The following MPHOSPH9 variants were observed in gnomAD, a reference collection of about 807,000 sequenced individuals.
The protein encoded by MPHOSPH9 is M-phase phosphoprotein 9.
MPHOSPH9 carries 88 observed loss-of-function variants against 145.5 expected under a neutral mutation model. The observed-to-expected ratio is 0.60, with a 90% CI of 0.51 to 0.72. The LOEUF is 0.72. Ranked by LOEUF, MPHOSPH9 falls within the 30% of genes least tolerant of loss-of-function variation. MPHOSPH9 has a pLI of 0.00. For synonymous variants in MPHOSPH9, 435 were observed against 486.2 expected, an observed-to-expected ratio of 0.89 and a Z score of 1.39; for missense variants, 1,238 against 1,386.6, an observed-to-expected ratio of 0.89 and a Z score of 1.70.
rs777764198 is a variant in MPHOSPH9, at chr12:123,198,379, C to T, written c.1938-45G>A. 3 of 1,423,834 alleles carry T rather than the reference C, an allele frequency of 2.1e-6. No individual in the cohort carries two copies. In the African/African-American group the frequency reaches 4.3e-5, roughly 20 times the overall value. The allele number at this position is 1,423,834 out of a possible 1,614,324, so 88.2% of individuals were successfully genotyped here. A position where few individuals can be genotyped will look rare whatever the true frequency, so the allele number is the denominator to read the frequency against. ...CTTCAATTAGAAGATAAAATTATTA[C>T]CCTTAAAAGTATTACATAAATCTAA... On this transcript the variant is annotated intron_variant, in intron 11 of 23. Transcript: ENST00000606320.
At chr12:123,188,762 C>T (rs760692273) in intron 13 of MPHOSPH9, among the ~76,000 whole-genome samples, 22 of 152,250 alleles carry the variant, frequency 1.4e-4, no homozygotes, top group Non-Finnish European at 3.2e-4. Context: ...GCAGGGGAAT[C>T]GCTTGAACCT....
rs535101575 is a variant in MPHOSPH9, at chr12:123,223,141, A to C, written c.259-14T>G. ...TAACCACCTGGTCTATTAAATTATA[A>C]AATATTTTAGTTAAAAATAATTTTT... is the stretch of plus-strand genomic sequence containing the variant. On this transcript the variant is annotated splice_polypyrimidine_tract_variant and intron_variant, in intron 3 of 23. Coordinates refer to ENST00000606320, the MANE Select transcript of MPHOSPH9 (RefSeq NM_022782.4). 3 of 1,320,594 alleles carry C rather than the reference A, an allele frequency of 2.3e-6. No homozygotes were observed. The highest frequency in any genetic ancestry group is 3.0e-5 in the East Asian group (1 of 33,812). The allele number at this position is 1,320,594 out of a possible 1,614,324, so 81.8% of individuals were successfully genotyped here.
chr12:123,224,806 G>A (rs1204067661), intron 3 of MPHOSPH9, among the ~76,000 whole-genome samples: 1 of 152,168 alleles, frequency 6.6e-6, no homozygotes, highest in Non-Finnish European at 1.5e-5. Context: ...AATCTCATGA[G>A]AAGTTGGTCA....
In MPHOSPH9 at chr12:123,162,165, C is replaced by T. The variant is rs1364909174; in HGVS notation, c.3083G>A (p.Arg1028His). The change falls in exon 21 of 24, where the codon CGT becomes CAT. Residue 1028 changes from arginine to histidine, a missense_variant. Around this residue, in one of 3 missense-constraint regions of MPHOSPH9, gnomAD observed 393 missense variants for 462.5 expected, o/e 0.85. Transcript: ENST00000606320. Reference protein sequence around the residue: ...LDTVPVSTLQRTNPRKQLQFL... With the variant: ...LDTVPVSTLQHTNPRKQLQFL... ...CTGGAGTTGCTTTCTTGGATTGGTA[C>T]GTTGTAATGTAGACACAGGAACAGT... is the stretch of plus-strand genomic sequence containing the variant. The T allele has an allele frequency of 1.4e-5, 23 of 1,589,516 alleles. No homozygotes were observed. The highest frequency in any genetic ancestry group is 1.7e-5 in the Non-Finnish European group (20 of 1,166,408).
chr12:123,238,658 C>T (rs1331101863), intron 1 of MPHOSPH9, among the ~76,000 whole-genome samples: 1 of 152,252 alleles, frequency 6.6e-6, no homozygotes, highest in African/African-American at 2.4e-5. Flanking sequence ...TCCTAGCAAT[C>T]AGAAGAACTT....
At chr12:123,206,869 A>T (rs1170195792) in intron 8 of MPHOSPH9, among the ~76,000 whole-genome samples, 1 of 151,170 alleles carries the variant, frequency 6.6e-6, no homozygotes, top group Non-Finnish European at 1.5e-5. Context: ...AGCCGAGATC[A>T]CACCACTGCA....
rs1256700262 is a variant in MPHOSPH9 at position 123,162,181 on chromosome 12, C to A, written c.3067G>T (p.Val1023Leu). Residue 1023 changes from valine (V) to leucine (L), a missense_variant, in exon 21 of 24, where the codon GTG becomes TTG. Val to Leu is a conservative substitution (Grantham distance 32). This residue lies in a region of MPHOSPH9 where 393 missense variants were observed against 462.5 expected (regional missense o/e 0.85). Transcript: ENST00000606320. ...ILLDDLDTVP[V>L]STLQRTNPRK... ...GGATTGGTACGTTGTAATGTAGACA[C>A]AGGAACAGTATCTAAATCATCCAAA... 1.3e-6 allele frequency: 2 copies of A among 1,573,858 alleles called. No individual in the cohort carries two copies. The highest frequency in any genetic ancestry group is 2.3e-5 in the East Asian group (1 of 43,978).
chr12:123,180,287 G>T (rs2045067930), intron 14 of MPHOSPH9, among the ~76,000 whole-genome samples: 1 of 152,144 alleles, frequency 6.6e-6, no homozygotes. Context: ...ACCTCAGAAG[G>T]ATGGTAAAAC....
intron 12 of MPHOSPH9, among the ~76,000 whole-genome samples, chr12:123,197,610 C>T (rs1279520817): frequency 3.3e-5 from 5 of 151,810 alleles, no homozygotes; most frequent in Non-Finnish European, 7.4e-5. Context: ...GGTGAAACCC[C>T]ATCTCTAGTA....
At chr12:123,243,868 G>A (rs1179940330) in exon 1 of MPHOSPH9, 1 of 152,242 alleles carries the variant, frequency 6.6e-6, no homozygotes, top group Admixed American at 6.6e-5. Context: ...AGCAACGCCT[G>A]ATCCCATGTC....
At chr12:123,202,424 AT>A (rs2046262043) in intron 10 of MPHOSPH9, 105 bp from the exon 11 acceptor site, 1 of 1,303,228 alleles carries the variant, frequency 7.7e-7, no homozygotes, top group African/African-American at 1.5e-5. Context: ...AAAATATAGC[AT>A]ATTTCCTTTG....
intron 13 of MPHOSPH9, among the ~76,000 whole-genome samples, chr12:123,189,017 CAG>C (rs1169878097): frequency 6.6e-6 from 1 of 152,138 alleles, no homozygotes; most frequent in African/African-American, 2.4e-5. Context: ...GCTTGAATGA[CAG>C]AGCAAGACTC....
chr12:123,207,840 G>A (rs558169382), intron 8 of MPHOSPH9, among the ~76,000 whole-genome samples: 4 of 144,038 alleles, frequency 2.8e-5, no homozygotes, highest in African/African-American at 7.8e-5. Context: ...GCAACAGAGC[G>A]AGACTCCGCC....
intron 4 of MPHOSPH9, among the ~76,000 whole-genome samples, chr12:123,222,235 G>A (rs1565972297): frequency 6.6e-6 from 1 of 150,958 alleles, no homozygotes; most frequent in Non-Finnish European, 1.5e-5. Context: ...TGAGGCAGGA[G>A]AATTTCTTGA....
At chr12:123,167,405 G>A (rs1050852313) in intron 16 of MPHOSPH9, among the ~76,000 whole-genome samples, 11 of 152,314 alleles carry the variant, frequency 7.2e-5, no homozygotes, top group African/African-American at 2.4e-4. Flanking sequence ...GAACTATTCT[G>A]AATTCCTCAG....
At chr12:123,195,308 C>T (rs926892624) in intron 12 of MPHOSPH9, among the ~76,000 whole-genome samples, 16 of 140,782 alleles carry the variant, frequency 1.1e-4, no homozygotes, top group African/African-American at 4.9e-4. Context: ...TTCAGTTGGC[C>T]AGGCACAGTA....
chr12:123,172,702 T>C (rs2044639286), intron 16 of MPHOSPH9, among the ~76,000 whole-genome samples: 1 of 152,102 alleles, frequency 6.6e-6, no homozygotes, highest in Admixed American at 6.5e-5. Flanking sequence ...GAAACCATTC[T>C]TTACTCAGGG....
intron 12 of MPHOSPH9, among the ~76,000 whole-genome samples, chr12:123,196,474 A>G (rs1165306760): frequency 6.6e-6 from 1 of 152,240 alleles, no homozygotes. Flanking sequence ...GATATTAAAA[A>G]TAAAACTTGT....
At chr12:123,172,362 T>C (rs1462900184) in intron 16 of MPHOSPH9, among the ~76,000 whole-genome samples, 1 of 151,882 alleles carries the variant, frequency 6.6e-6, no homozygotes, top group African/African-American at 2.4e-5. Flanking sequence ...AGACAGAGTC[T>C]CACTTTCTCA....
Sources: allele counts gnomAD v4.1 joint callset (sites outside exome capture counted in the v4.1 genomes callset), GRCh38; gene constraint gnomAD v4.1.1; regional missense constraint gnomAD v4.1.1; transcripts MANE v1.5; gene names NCBI Gene and HGNC (gene_info 2026-07-23, HGNC 2026-07-21).